The following LRRTM4 variants were observed in gnomAD, a reference collection of about 807,000 sequenced individuals.
LRRTM4 encodes the protein leucine-rich repeat transmembrane neuronal protein 4.
A neutral mutation model predicts 47.6 loss-of-function variants in LRRTM4; 25 were observed. The ratio of observed to expected loss-of-function variants is 0.53; its 90% CI spans 0.38 to 0.73. The LOEUF is 0.73. Among genes scored for constraint, LRRTM4 ranks in the 30% least tolerant of loss-of-function variants. The pLI is 0.00. For synonymous variants in LRRTM4, 311 were observed against 269.5 expected, an observed-to-expected ratio of 1.15 and a Z score of -1.51; for missense variants, 638 against 713.4, an observed-to-expected ratio of 0.89 and a Z score of 1.20.
intron 3 of LRRTM4, among the ~76,000 whole-genome samples, chr2:77,319,219 C>T (rs746420764): frequency 6.6e-6 from 1 of 151,976 alleles, no homozygotes; most frequent in Non-Finnish European, 1.5e-5. Context: ...AACCTTGTCT[C>T]TACTAAAAAT....
intron 3 of LRRTM4, among the ~76,000 whole-genome samples, chr2:76,807,301 C>A (rs1330712800): frequency 6.6e-6 from 1 of 150,416 alleles, no homozygotes. Context: ...TAGCATGGCA[C>A]AAATACTGAA....
At chr2:77,205,476 G>A (rs562049968) in intron 3 of LRRTM4, among the ~76,000 whole-genome samples, 21 of 152,250 alleles carry the variant, frequency 1.4e-4, no homozygotes, top group African/African-American at 5.1e-4. Flanking sequence ...AGATCTGGGA[G>A]GATGTCATTC....
intron 3 of LRRTM4, among the ~76,000 whole-genome samples, chr2:76,992,828 GAAAA>G (rs71376812): frequency 1.2e-5 from 1 of 86,036 alleles, no homozygotes; most frequent in Non-Finnish European, 2.2e-5. Context: ...AAATCCTGAG[GAAAA>G]AAAAAAAAGC....
chr2:76,868,177 G>A (rs1672518020), intron 3 of LRRTM4, among the ~76,000 whole-genome samples: 1 of 152,138 alleles, frequency 6.6e-6, no homozygotes, highest in South Asian at 2.1e-4. Flanking sequence ...AACTTTGTCA[G>A]ACCATAGTAA....
At chr2:77,022,726 A>T (rs1384779730) in intron 3 of LRRTM4, among the ~76,000 whole-genome samples, 1 of 152,238 alleles carries the variant, frequency 6.6e-6, no homozygotes, top group Non-Finnish European at 1.5e-5. Flanking sequence ...TGCTGATGTA[A>T]GAAATGGGTT....
At chr2:76,749,855 A>G (rs568084180) in intron 3 of LRRTM4, among the ~76,000 whole-genome samples, 6 of 152,320 alleles carry the variant, frequency 3.9e-5, no homozygotes, top group Admixed American at 3.3e-4. Context: ...TGCGAGTTAC[A>G]ATTTGACACT....
intron 3 of LRRTM4, among the ~76,000 whole-genome samples, chr2:77,384,970 C>A (rs1673207131): frequency 6.6e-6 from 1 of 151,970 alleles, no homozygotes; most frequent in Non-Finnish European, 1.5e-5. Context: ...TACAGAGAAC[C>A]AATTCTTTAC....
At chr2:76,945,290 T>C (rs1675285423) in intron 3 of LRRTM4, among the ~76,000 whole-genome samples, 1 of 152,096 alleles carries the variant, frequency 6.6e-6, no homozygotes. Context: ...CATATTTTCC[T>C]AAGGAGCATA....
intron 3 of LRRTM4, among the ~76,000 whole-genome samples, chr2:77,018,899 T>A (rs1000289065): frequency 6.6e-6 from 1 of 152,278 alleles, no homozygotes; most frequent in Non-Finnish European, 1.5e-5. Context: ...AATTTTACAA[T>A]GGATTTGTGT....
intron 3 of LRRTM4, among the ~76,000 whole-genome samples, chr2:77,282,829 A>G (rs1676544357): frequency 6.6e-6 from 1 of 152,030 alleles, no homozygotes; most frequent in Non-Finnish European, 1.5e-5. Context: ...CTTTCATCAT[A>G]TGCAAACATT....
intron 3 of LRRTM4, among the ~76,000 whole-genome samples, chr2:77,284,347 T>C (rs1407601004): frequency 6.6e-6 from 1 of 152,144 alleles, no homozygotes; most frequent in Non-Finnish European, 1.5e-5. Context: ...ACACATTCTA[T>C]TAATAGAAGC....
chr2:77,031,555 G>A (rs1678657092), intron 3 of LRRTM4, among the ~76,000 whole-genome samples: 2 of 152,038 alleles, frequency 1.3e-5, no homozygotes, highest in Admixed American at 6.6e-5. Context: ...GGGTTACTCG[G>A]GGAGTGAGAT....
At chr2:76,891,472 C>A (rs867998597) in intron 3 of LRRTM4, among the ~76,000 whole-genome samples, 2 of 151,238 alleles carry the variant, frequency 1.3e-5, no homozygotes, top group Admixed American at 6.6e-5. Context: ...TGGATAAGAT[C>A]CAGTTAGAAT....
chr2:77,399,231 A>G (rs1673838884), intron 3 of LRRTM4, among the ~76,000 whole-genome samples: 1 of 151,294 alleles, frequency 6.6e-6, no homozygotes, highest in Non-Finnish European at 1.5e-5. Context: ...CAAAGATTAT[A>G]TGTATATTTA....
intron 3 of LRRTM4, among the ~76,000 whole-genome samples, chr2:76,840,135 T>A (rs1671629645): frequency 6.6e-6 from 1 of 152,194 alleles, no homozygotes; most frequent in South Asian, 2.1e-4. Flanking sequence ...ATGAATTTTC[T>A]TGTGAAGAAG....
chr2:77,492,534 C>G (rs1054064025), intron 3 of LRRTM4, among the ~76,000 whole-genome samples: 2 of 152,104 alleles, frequency 1.3e-5, no homozygotes, highest in Admixed American at 1.3e-4. Context: ...TCTGGAGTTA[C>G]AAGTGTGAGC....
chr2:76,775,003 T>C (rs1160986356), intron 3 of LRRTM4, among the ~76,000 whole-genome samples: 1 of 152,214 alleles, frequency 6.6e-6, no homozygotes, highest in African/African-American at 2.4e-5. Context: ...GTTGTCTTCT[T>C]TTAATTCCTC....
At chr2:77,077,919 G>A (rs1267415396) in intron 3 of LRRTM4, among the ~76,000 whole-genome samples, 1 of 152,060 alleles carries the variant, frequency 6.6e-6, no homozygotes, top group African/African-American at 2.4e-5. Context: ...CATTAACAAA[G>A]GGAGCATTGC....
intron 3 of LRRTM4, among the ~76,000 whole-genome samples, chr2:76,806,534 T>G (rs1675976044): frequency 6.6e-6 from 1 of 152,070 alleles, no homozygotes; most frequent in Non-Finnish European, 1.5e-5. Context: ...TGAGCCAAGA[T>G]CACGTCATTG....
Sources: allele counts gnomAD v4.1 joint callset (sites outside exome capture counted in the v4.1 genomes callset), GRCh38; gene constraint gnomAD v4.1.1; transcripts MANE v1.5; gene names NCBI Gene and HGNC (gene_info 2026-07-23, HGNC 2026-07-21).